The following KCTD8 variants were observed in gnomAD, a reference collection of about 807,000 sequenced individuals.
The protein encoded by KCTD8 is potassium channel tetramerization domain containing 8, also known as BTB/POZ domain-containing protein KCTD8.
A neutral mutation model predicts 31.5 loss-of-function variants in KCTD8; 27 were observed. The ratio of observed to expected loss-of-function variants is 0.86; its 90% CI spans 0.63 to 1.18. KCTD8 has a LOEUF of 1.18. Among genes scored for constraint, KCTD8 ranks in the 50% most tolerant of loss-of-function variants. KCTD8 has a pLI of 0.00. For synonymous variants in KCTD8, 290 were observed against 280.0 expected (o/e 1.04, Z -0.36); for missense variants, 658 against 647.7 (o/e 1.02, Z -0.17).
At chr4:44,271,287 A>T (rs1948315) in intron 1 of KCTD8, among the ~76,000 whole-genome samples, 24,025 of 152,136 alleles carry the variant, frequency 0.16, 2,106 homozygotes, top group East Asian at 0.23. Flanking sequence ...TCTAGAAGGT[A>T]TATTCACCCT....
chr4:44,390,682 G>A lies in KCTD8; in HGVS notation c.961+56881C>T, dbSNP rs565426194. Among the ~76,000 whole-genome samples the A allele has an allele frequency of 8.6e-5, 13 of 151,866 alleles. No homozygotes were observed. The South Asian group carries it at 1.9e-3, about 22-fold the overall frequency. On this transcript the variant is annotated intron_variant, in intron 1 of 1. Transcript: ENST00000360029. ...TTTCTAGTTCTGCGAAGCATAACGC[G>A]ATACCACCTTATTCCTGCAAGAATG...
intron 1 of KCTD8, among the ~76,000 whole-genome samples, chr4:44,309,928 C>T (rs191727538): frequency 6.6e-5 from 10 of 152,062 alleles, no homozygotes; most frequent in East Asian, 3.9e-4. Flanking sequence ...AGTTGCCTTA[C>T]GCAGTATCAA....
At chr4:44,339,195 G>C (rs1718832443) in intron 1 of KCTD8, among the ~76,000 whole-genome samples, 1 of 151,994 alleles carries the variant, frequency 6.6e-6, no homozygotes, top group African/African-American at 2.4e-5. Flanking sequence ...ACAATCTTTG[G>C]AGTCAAAGAC....
chr4:44,351,960 T>TTTTA (rs745627866), intron 1 of KCTD8, among the ~76,000 whole-genome samples: 3 of 152,070 alleles, frequency 2.0e-5, no homozygotes, highest in East Asian at 1.9e-4. Context: ...TAAGTATTTC[T>TTTTA]TTTATTTATT....
intron 1 of KCTD8, among the ~76,000 whole-genome samples, chr4:44,228,199 C>A (rs1290852872): frequency 6.6e-6 from 1 of 152,158 alleles, no homozygotes; most frequent in Non-Finnish European, 1.5e-5. Context: ...AATTCTCGGG[C>A]TAGAATTCTG....
At chr4:44,205,344 A>G (rs1714270825) in intron 1 of KCTD8, among the ~76,000 whole-genome samples, 1 of 152,218 alleles carries the variant, frequency 6.6e-6, no homozygotes, top group African/African-American at 2.4e-5. Context: ...ACGTACCTGT[A>G]GAAATTTGGA....
chr4:44,307,942 CA>C (rs1443725599), intron 1 of KCTD8, among the ~76,000 whole-genome samples: 1 of 151,942 alleles, frequency 6.6e-6, no homozygotes, highest in Non-Finnish European at 1.5e-5. Flanking sequence ...AGATGAATTA[CA>C]AAAAGACTGA....
At chr4:44,406,830 C>T (rs1263869663) in intron 1 of KCTD8, among the ~76,000 whole-genome samples, 1 of 152,054 alleles carries the variant, frequency 6.6e-6, no homozygotes, top group Non-Finnish European at 1.5e-5. Flanking sequence ...TTATTTTTGT[C>T]CTCAAATTTA....
At chr4:44,435,746 A>AGG (rs1279350081) in intron 1 of KCTD8, among the ~76,000 whole-genome samples, 4 of 152,076 alleles carry the variant, frequency 2.6e-5, no homozygotes, top group Non-Finnish European at 4.4e-5. Flanking sequence ...ATGAAGCACC[A>AGG]GGTGTGCAGG....
chr4:44,292,913 T>C (rs1462827380), intron 1 of KCTD8, among the ~76,000 whole-genome samples: 1 of 152,116 alleles, frequency 6.6e-6, no homozygotes, highest in Non-Finnish European at 1.5e-5. Flanking sequence ...TTTCTATTGT[T>C]TGTTTACATA....
At chr4:44,347,526 C>T (rs1033237571) in intron 1 of KCTD8, among the ~76,000 whole-genome samples, 1 of 152,160 alleles carries the variant, frequency 6.6e-6, no homozygotes, top group Non-Finnish European at 1.5e-5. Flanking sequence ...AGAAATCCCT[C>T]GGTTTGCTCC....
At chr4:44,222,738 A>C (rs1195111056) in intron 1 of KCTD8, among the ~76,000 whole-genome samples, 1 of 152,194 alleles carries the variant, frequency 6.6e-6, no homozygotes, top group Non-Finnish European at 1.5e-5. Context: ...TTTTGGACCA[A>C]GCGCAAAGAC....
intron 1 of KCTD8, among the ~76,000 whole-genome samples, chr4:44,322,935 T>C (rs1436480486): frequency 6.6e-6 from 1 of 152,036 alleles, no homozygotes; most frequent in Non-Finnish European, 1.5e-5. Flanking sequence ...TTCTGTTCCA[T>C]TGATAAATGT....
chr4:44,289,086 C>T (rs975376621), intron 1 of KCTD8, among the ~76,000 whole-genome samples: 3 of 151,412 alleles, frequency 2.0e-5, no homozygotes, highest in African/African-American at 7.3e-5. Context: ...AATAGAGATA[C>T]TATCTACCTC....
chr4:44,408,038 G>C (rs1720846013), intron 1 of KCTD8, among the ~76,000 whole-genome samples: 1 of 152,086 alleles, frequency 6.6e-6, no homozygotes, highest in Non-Finnish European at 1.5e-5. Flanking sequence ...TCATCAAAAA[G>C]AATATAGTAG....
chr4:44,416,958 C>T (rs894713641), intron 1 of KCTD8, among the ~76,000 whole-genome samples: 1 of 152,148 alleles, frequency 6.6e-6, no homozygotes, highest in African/African-American at 2.4e-5. Flanking sequence ...TGCTATATGT[C>T]AGGCACTAGA....
chr4:44,219,064 T>A (rs923082652), intron 1 of KCTD8, among the ~76,000 whole-genome samples: 1 of 152,146 alleles, frequency 6.6e-6, no homozygotes, highest in Non-Finnish European at 1.5e-5. Flanking sequence ...TTCACTCACC[T>A]CGAAAAGTAT....
chr4:44,218,821 G>A (rs1714726465), intron 1 of KCTD8, among the ~76,000 whole-genome samples: 1 of 151,862 alleles, frequency 6.6e-6, no homozygotes, highest in Admixed American at 6.6e-5. Flanking sequence ...GCTAAATAAT[G>A]GATTATAATA....
At chr4:44,319,680 G>T (rs147110653) in intron 1 of KCTD8, among the ~76,000 whole-genome samples, 1 of 152,214 alleles carries the variant, frequency 6.6e-6, no homozygotes, top group Non-Finnish European at 1.5e-5. Context: ...TCTCAGAAAG[G>T]AAAGAAAAGA....
Sources: allele counts gnomAD v4.1 joint callset (sites outside exome capture counted in the v4.1 genomes callset), GRCh38; gene constraint gnomAD v4.1.1; transcripts MANE v1.5; gene names NCBI Gene and HGNC (gene_info 2026-07-23, HGNC 2026-07-21).